The following PRKAG3 variants were observed in gnomAD, a reference collection of about 807,000 sequenced individuals.
The protein encoded by PRKAG3 is protein kinase AMP-activated non-catalytic subunit gamma 3, also known as 5'-AMP-activated protein kinase subunit gamma-3.
A neutral mutation model predicts 56.5 loss-of-function variants in PRKAG3; 39 were observed. That is an observed-to-expected ratio of 0.69 (90% CI 0.53 to 0.90). The LOEUF (loss-of-function observed/expected upper bound fraction) is 0.90. PRKAG3 is among the 40% of genes least tolerant of loss of function. The pLI is 0.00. For missense variants in PRKAG3, 628 were observed against 627.5 expected (o/e 1.00, Z -0.01); for synonymous variants, 243 against 250.1 (o/e 0.97, Z 0.27).
Position 218,824,592 on chromosome 2 carries a change from G to T in PRKAG3, c.1169-16C>A, listed in dbSNP as rs778607840. 1.2e-6 allele frequency: 2 copies of T among 1,604,472 alleles called. No homozygotes were observed. The highest frequency in any genetic ancestry group is 1.1e-5 in the South Asian group (1 of 90,898). ...ACGACCTGACCTGCAGAGGGTGGTT[G>T]TGGGGGGTGGGGGGAGAAAGACAGG... is the stretch of plus-strand genomic sequence containing the variant. On this transcript the variant is annotated splice_polypyrimidine_tract_variant and intron_variant, in intron 10 of 12. Transcript: ENST00000529249.
intron 4 of PRKAG3, 125 bp downstream of exon 4, chr2:218,829,853 A>G (rs1943991128): frequency 1.7e-6 from 2 of 1,181,916 alleles, no homozygotes; most frequent in Non-Finnish European, 2.4e-6. Flanking sequence ...AGTGCTAAGA[A>G]GGAGTCCTTT....
Position 218,827,285 on chromosome 2 carries a change from G to A in PRKAG3, c.964C>T (p.Leu322Phe). Reference sequence around the variant, plus strand: ...AACTTGAGCAGGCGTTTGTGTGTGAGGATGTGGAGTACGTTGCCTGACACC... The same window carrying A: ...AACTTGAGCAGGCGTTTGTGTGTGAAGATGTGGAGTACGTTGCCTGACACC... The change falls in exon 9 of 13, where the codon CTC becomes TTC. Residue 322 changes from leucine to phenylalanine, a missense_variant. Leu to Phe is a conservative substitution (Grantham distance 22). Coordinates refer to ENST00000529249, the Ensembl canonical transcript of PRKAG3. This position sits in a 1 kb window ranked among gnomAD's most constrained non-coding sequence, Gnocchi z 5.3. The A allele has an allele frequency of 4.3e-6, 7 of 1,614,230 alleles. No homozygotes were observed. The highest frequency in any genetic ancestry group is 5.1e-6 in the Non-Finnish European group (6 of 1,180,050).
chr2:218,824,644 G>T, intron 10 of PRKAG3, 68 bp from the exon 11 acceptor site: 1 of 1,407,344 alleles, frequency 7.1e-7, no homozygotes, highest in Non-Finnish European at 1.0e-6. Flanking sequence ...GAACCGGGGT[G>T]CTGTGTAGAG....
chr2:218,824,188 T>A, intron 12 of PRKAG3, 34 bp downstream of exon 12: 1 of 1,613,990 alleles, frequency 6.2e-7, no homozygotes, highest in South Asian at 1.1e-5. Context: ...CTGGGCTATA[T>A]GTGTTGGGGG....
chr2:218,830,709 C>A (rs1414400985), intron 3 of PRKAG3, 37 bp downstream of exon 3: 1 of 1,603,436 alleles, frequency 6.2e-7, no homozygotes, highest in Non-Finnish European at 8.5e-7. Flanking sequence ...TCCCACTCCC[C>A]TGGCTCCCAC....
chr2:218,830,209 C>A, exon 4 of PRKAG3: 1 of 1,614,124 alleles, frequency 6.2e-7, no homozygotes, highest in Non-Finnish European at 8.5e-7. Context: ...CCGTGGCCAG[C>A]TCCACATCAT....
chr2:218,826,874 C>G, intron 10 of PRKAG3, 54 bp downstream of exon 10: 2 of 1,604,544 alleles, frequency 1.2e-6, no homozygotes, highest in Non-Finnish European at 1.7e-6. Context: ...TTCTCCCCAC[C>G]AGGTTCTCCC....
rs1212590388 is a variant in PRKAG3, at chr2:218,831,254, G to T, written c.73+82C>A. The T allele has an allele frequency of 1.0e-5, 11 of 1,085,918 alleles. No homozygotes were observed. The African/African-American group carries it at 1.3e-4, about 12-fold the overall frequency. 67.3% of individuals were successfully genotyped at this position (1,085,918 alleles called of 1,614,324 possible). On this transcript the variant is annotated intron_variant, in intron 2 of 12. Transcript: ENST00000529249. ...AGGAGGAAGATAAAAGCCAGGCTGG[G>T]AGGGAATTGGGGTCCCAGAAAAGTG...
chr2:218,830,633 G>T (rs17848622), intron 3 of PRKAG3, 113 bp downstream of exon 3: 48 of 1,353,230 alleles, frequency 3.5e-5, no homozygotes, highest in Non-Finnish European at 4.2e-5. Flanking sequence ...CAAGATGAAG[G>T]TTGGGTCCAA....
At chr2:218,830,550 C>T (rs577422837) in intron 3 of PRKAG3, among the ~76,000 whole-genome samples, 169 bp from the exon 4 acceptor site, 1 of 152,356 alleles carries the variant, frequency 6.6e-6, no homozygotes, top group Non-Finnish European at 1.5e-5. Flanking sequence ...TCTGTCCCAT[C>T]TTTCTGAGTT....
chr2:218,823,939 T>G (rs1575210041), intron 12 of PRKAG3, 61 bp from the exon 13 acceptor site: 1 of 1,525,792 alleles, frequency 6.6e-7, no homozygotes, highest in Non-Finnish European at 9.1e-7. Flanking sequence ...GCTACTGAGG[T>G]TGGTGCCAAG....
chr2:218,824,327 A>C (rs773847972), exon 12 of PRKAG3: 2 of 1,613,846 alleles, frequency 1.2e-6, no homozygotes, highest in South Asian at 2.2e-5. Context: ...CTTCTCCCAC[A>C]CTCATGTCCA....
intron 2 of PRKAG3, 39 bp downstream of exon 2, chr2:218,831,297 G>C: frequency 6.6e-7 from 1 of 1,507,126 alleles, no homozygotes; most frequent in Non-Finnish European, 9.0e-7. Context: ...AGGAGGTGGG[G>C]GAAGAGGTTA....
In PRKAG3 at chr2:218,824,586, G is replaced by A. The variant is rs199720593; in HGVS notation, c.1169-10C>T. 1.9e-3 allele frequency: 3,028 copies of A among 1,609,788 alleles called. 15 individuals carry two copies. Among genetic ancestry groups the A allele is most frequent in the Non-Finnish European group, 1.6e-3 (1,897 of 1,175,986 alleles). ...AGGCCCACGACCTGACCTGCAGAGG[G>A]TGGTTGTGGGGGGTGGGGGGAGAAA... On this transcript the variant is annotated splice_polypyrimidine_tract_variant and intron_variant, in intron 10 of 12. Transcript: ENST00000529249.
intron 10 of PRKAG3, 66 bp from the exon 11 acceptor site, chr2:218,824,642 G>A: frequency 2.1e-6 from 3 of 1,452,872 alleles, no homozygotes; most frequent in South Asian, 1.1e-5. Flanking sequence ...CAGAACCGGG[G>A]TGCTGTGTAG....
At chr2:218,823,143 C>T, downstream of PRKAG3, 1 of 817,990 alleles carries the variant, frequency 1.2e-6, no homozygotes, top group Non-Finnish European at 1.5e-6. Context: ...CAACAGGGGA[C>T]CCTTGCCAGC....
chr2:218,825,374 GGCTC>G lies in PRKAG3; in HGVS notation c.1169-802_1169-799del, dbSNP rs570316662. Among the ~76,000 whole-genome samples the G allele has an allele frequency of 4.7e-3, 711 of 151,828 alleles. 3 individuals are homozygous for G. The highest frequency in any genetic ancestry group is 0.011 in the South Asian group (51 of 4,790). On this transcript the variant is annotated intron_variant, in intron 10 of 12. Transcript: ENST00000529249. ...AAAAAAATTCTTGGCCGGTCGCGGT[GGCTC>G]ATGCCTGTAATCCCAACACTTTGGG...
Position 218,830,400 on chromosome 2 carries a change from G to A in PRKAG3, c.230-19C>T. The A allele has an allele frequency of 1.9e-6, 3 of 1,601,434 alleles. No individual in the cohort carries two copies. Among genetic ancestry groups the A allele is most frequent in the Non-Finnish European group, 2.6e-6 (3 of 1,171,974 alleles). ...CGGGGACCTGTTTGGGGGAGGAGGG[G>A]AAGAGGACAGTAACTCCATCTTCCA... On this transcript the variant is annotated intron_variant, in intron 3 of 12. Transcript: ENST00000529249.
At chr2:218,828,951 G>A (rs960137792) in intron 4 of PRKAG3, among the ~76,000 whole-genome samples, 8 of 152,182 alleles carry the variant, frequency 5.3e-5, no homozygotes, top group Non-Finnish European at 1.0e-4. Flanking sequence ...ACTAAGTACC[G>A]GAGGCATAGT....
Sources: gnomAD v4.1 joint callset for allele counts (sites outside exome capture counted in the v4.1 genomes callset) on GRCh38, gnomAD v4.1.1 for gene constraint, Gnocchi (gnomAD v3.1) non-coding constraint, MANE v1.5 for transcripts, NCBI Gene and HGNC (gene_info 2026-07-23, HGNC 2026-07-21) for gene names.